Variants in MOB3B observed in about 807,000 individuals in gnomAD.
MOB3B encodes the protein MOB kinase activator-like 2B.
Under a neutral mutation model 18.7 loss-of-function variants are expected in MOB3B, and 7 were observed. That is an observed-to-expected ratio of 0.37 (90% CI 0.21 to 0.70). The LOEUF (loss-of-function observed/expected upper bound fraction) is 0.70, where lower values mean the gene tolerates loss of function less well. MOB3B is among the 30% of genes least tolerant of loss of function. MOB3B has a pLI of 0.52. For missense variants in MOB3B, 253 were observed against 281.3 expected (o/e 0.90, Z 0.72); for synonymous variants, 111 against 99.9 (o/e 1.11, Z -0.66).
chr9:27,337,649 T>A (rs1451897105), intron 3 of MOB3B, among the ~76,000 whole-genome samples: 1 of 152,224 alleles, frequency 6.6e-6, no homozygotes, highest in Non-Finnish European at 1.5e-5. Context: ...GAAAATGAGC[T>A]GGCATCAGCA....
At chr9:27,380,749 A>G (rs1247111267) in intron 2 of MOB3B, among the ~76,000 whole-genome samples, 2 of 143,334 alleles carry the variant, frequency 1.4e-5, no homozygotes, top group Non-Finnish European at 3.0e-5. Flanking sequence ...TATTCAAGCT[A>G]TTTCAGGATC....
intron 2 of MOB3B, among the ~76,000 whole-genome samples, chr9:27,426,258 T>G (rs1265751417): frequency 6.6e-6 from 1 of 152,216 alleles, no homozygotes; most frequent in Non-Finnish European, 1.5e-5. Flanking sequence ...TAAAGTCATG[T>G]ACATTGAGTG....
chr9:27,347,939 T>C (rs569898463), intron 3 of MOB3B, among the ~76,000 whole-genome samples: 1 of 152,348 alleles, frequency 6.6e-6, no homozygotes, highest in Non-Finnish European at 1.5e-5. Flanking sequence ...CTTCACATTA[T>C]GGCAAAGTTG....
At chr9:27,498,709 G>C (rs919561985) in intron 1 of MOB3B, among the ~76,000 whole-genome samples, 1 of 152,204 alleles carries the variant, frequency 6.6e-6, no homozygotes, top group East Asian at 1.9e-4. Flanking sequence ...GAGACTGTTG[G>C]TGCTGAGGCA....
intron 3 of MOB3B, among the ~76,000 whole-genome samples, chr9:27,343,982 G>A (rs781418473): frequency 6.6e-6 from 1 of 152,092 alleles, no homozygotes; most frequent in South Asian, 2.1e-4. Flanking sequence ...AAGCTAGATA[G>A]ATGATGGTAA....
chr9:27,345,974 T>G (rs1007072635), intron 3 of MOB3B, among the ~76,000 whole-genome samples: 2 of 152,204 alleles, frequency 1.3e-5, no homozygotes, highest in African/African-American at 4.8e-5. Flanking sequence ...CATGCTATAA[T>G]TTGAATGTTG....
At chr9:27,424,396 C>T (rs1426827747) in intron 2 of MOB3B, among the ~76,000 whole-genome samples, 1 of 152,116 alleles carries the variant, frequency 6.6e-6, no homozygotes, top group Non-Finnish European at 1.5e-5. Flanking sequence ...AACTGAAGGC[C>T]CAAAGAGATA....
chr9:27,450,893 C>T (rs985987525), intron 2 of MOB3B, among the ~76,000 whole-genome samples: 15 of 152,146 alleles, frequency 9.9e-5, no homozygotes, highest in East Asian at 1.9e-4. Context: ...AGGCACAGGG[C>T]TTGGTATTTA....
chr9:27,384,406 G>T (rs1006668008), intron 2 of MOB3B, among the ~76,000 whole-genome samples: 2 of 152,098 alleles, frequency 1.3e-5, no homozygotes, highest in Non-Finnish European at 2.9e-5. Context: ...ATGGGACTGA[G>T]GAGATCCTGT....
intron 1 of MOB3B, among the ~76,000 whole-genome samples, chr9:27,492,011 G>A (rs939206817): frequency 8.5e-5 from 13 of 152,276 alleles, no homozygotes; most frequent in South Asian, 6.2e-4. Flanking sequence ...TACTCACTTC[G>A]CTGCTCAAAT....
At chr9:27,512,463 A>G (rs1357564205) in intron 1 of MOB3B, among the ~76,000 whole-genome samples, 1 of 152,236 alleles carries the variant, frequency 6.6e-6, no homozygotes, top group African/African-American at 2.4e-5. Flanking sequence ...GTAAACCATC[A>G]GAGATGCCAA....
intron 3 of MOB3B, among the ~76,000 whole-genome samples, chr9:27,343,165 A>C (rs939205406): frequency 5.3e-5 from 8 of 151,738 alleles, no homozygotes; most frequent in Non-Finnish European, 1.0e-4. Flanking sequence ...CTGTTAATCT[A>C]TAACTTTACC....
intron 2 of MOB3B, among the ~76,000 whole-genome samples, chr9:27,368,351 CAT>C (rs1415605302): frequency 6.5e-5 from 8 of 123,750 alleles, no homozygotes; most frequent in South Asian, 2.9e-4. Context: ...CACACACATA[CAT>C]ACACACACAC....
intron 1 of MOB3B, among the ~76,000 whole-genome samples, chr9:27,509,439 C>T (rs111374583): frequency 8.6e-5 from 13 of 152,018 alleles, no homozygotes; most frequent in Non-Finnish European, 1.3e-4. Context: ...TTACTTGAGA[C>T]GGAGTCTTAC....
chr9:27,438,678 G>A (rs73646505), intron 2 of MOB3B, among the ~76,000 whole-genome samples: 2 of 152,166 alleles, frequency 1.3e-5, no homozygotes, highest in Non-Finnish European at 2.9e-5. Context: ...CCGTTGGGAG[G>A]ACAAGGAGCT....
intron 1 of MOB3B, among the ~76,000 whole-genome samples, chr9:27,520,024 G>A (rs932615628): frequency 2.6e-5 from 4 of 152,118 alleles, no homozygotes; most frequent in African/African-American, 7.2e-5. Context: ...GGGCTCAATC[G>A]CCTAATGACC....
At chr9:27,458,604 G>A (rs1483027832) in intron 1 of MOB3B, among the ~76,000 whole-genome samples, 1 of 140,496 alleles carries the variant, frequency 7.1e-6, no homozygotes, top group Non-Finnish European at 1.6e-5. Flanking sequence ...CTGCTGGAGT[G>A]GTGTGGTGTG....
intron 1 of MOB3B, among the ~76,000 whole-genome samples, chr9:27,484,986 C>G (rs550146209): frequency 6.6e-6 from 1 of 152,084 alleles, no homozygotes; most frequent in African/African-American, 2.4e-5. Flanking sequence ...ACACATGAAC[C>G]ACCCCGGAAA....
chr9:27,418,641 T>C (rs1822193121), intron 2 of MOB3B, among the ~76,000 whole-genome samples: 1 of 152,204 alleles, frequency 6.6e-6, no homozygotes, highest in African/African-American at 2.4e-5. Context: ...CATCTCTTTA[T>C]GATTAAAACT....
Sources: gnomAD v4.1 joint callset for allele counts (sites outside exome capture counted in the v4.1 genomes callset) on GRCh38, gnomAD v4.1.1 for gene constraint, MANE v1.5 for transcripts, NCBI Gene and HGNC (gene_info 2026-07-23, HGNC 2026-07-21) for gene names.